The following ADGRE3 variants were observed in gnomAD, a reference collection of about 807,000 sequenced individuals.
ADGRE3 encodes the protein adhesion G protein-coupled receptor E3, also known as EGF-like module receptor 3.
Under a neutral mutation model 80.1 loss-of-function variants are expected in ADGRE3, and 88 were observed. That is an observed-to-expected ratio of 1.10 (90% confidence interval 0.93 to 1.31). The LOEUF is 1.31. Ranked by LOEUF, ADGRE3 falls within the 40% of genes most tolerant of loss-of-function variation. ADGRE3 has a pLI of 0.00. For missense variants in ADGRE3, 715 were observed against 776.5 expected (o/e 0.92, Z 0.94); for synonymous variants, 281 against 294.8 (o/e 0.95, Z 0.48).
At chr19:14,663,370 A>G (rs1972004948) in intron 3 of ADGRE3, 48 bp downstream of exon 3, 14 of 1,194,464 alleles carry the variant, frequency 1.2e-5, no homozygotes, top group African/African-American at 1.6e-5. Flanking sequence ...GTCTCTAATA[A>G]TAATGATAAT....
At position 14,663,445 on chromosome 19, in the gene ADGRE3, A is replaced by G. The variant is rs779747964; in HGVS notation, c.172T>C (p.Phe58Leu). ...TTACATGTCTCCAAGGGGAATGTGA[A>G]TAGTTTCTGCCCAGATCCAGAAGTA... The part of the protein sequence containing the change: ...GYTSGSGQKL[F>L]TFPLETCNDI... Residue 58 changes from phenylalanine to leucine, a missense_variant, in exon 3 of 16, where the codon TTC (phenylalanine) becomes CTC (leucine). Physicochemically the swap from Phe to Leu is conservative, Grantham distance 22 (BLOSUM62 0). Coordinates refer to ENST00000253673, the MANE Select transcript of ADGRE3 (RefSeq NM_032571.5). 3 of 1,610,222 alleles carry G rather than the reference A, an allele frequency of 1.9e-6. No homozygotes were observed. The highest frequency in any genetic ancestry group is 1.3e-5 in the African/African-American group (1 of 74,856).
rs149246773 is a variant in ADGRE3 at position 14,674,294 on chromosome 19, C to T, written c.25+452G>A. ...GGTGGATCACCTGAGGTCAGGAGTT[C>T]GAGACCAGCCAGGGCAACATGGTGA... is the stretch of plus-strand genomic sequence containing the variant. On this transcript the variant is annotated intron_variant, in intron 1 of 15. Coordinates refer to ENST00000253673, the MANE Select transcript of ADGRE3 (RefSeq NM_032571.5). Among the ~76,000 whole-genome samples, 33 of 151,928 alleles carry T rather than the reference C, an allele frequency of 2.2e-4. No homozygotes were observed. In the East Asian group the frequency reaches 5.6e-3, roughly 26 times the overall value.
At chr19:14,669,478 A>G (rs775430819) in intron 1 of ADGRE3, among the ~76,000 whole-genome samples, 2 of 151,992 alleles carry the variant, frequency 1.3e-5, no homozygotes, top group Non-Finnish European at 2.9e-5. Context: ...TCGCTTTGAT[A>G]TAATGATTAT....
At chr19:14,617,341 C>CCTTTCTTTTTCTTTCTTTCTTT (rs2075083332), downstream of ADGRE3, among the ~76,000 whole-genome samples, 10 of 57,264 alleles carry the variant, frequency 1.7e-4, 1 homozygote, top group Middle Eastern at 0.017. Flanking sequence ...TCCCTCCCTC[C>CCTTTCTTTTTCTTTCTTTCTTT]CTTTCTTTCT....
downstream of ADGRE3, among the ~76,000 whole-genome samples, chr19:14,617,350 C>CTTTCTTTCTTTCTTTTTCTT (rs2075084644): frequency 1.2e-5 from 1 of 82,626 alleles, no homozygotes; most frequent in Non-Finnish European, 2.3e-5. Context: ...CCCTTTCTTT[C>CTTTCTTTCTTTCTTTTTCTT]TTTCTTTCTT....
intron 13 of ADGRE3, 71 bp downstream of exon 13, chr19:14,632,850 C>G (rs538668516): frequency 9.2e-6 from 9 of 975,598 alleles, no homozygotes; most frequent in Non-Finnish European, 1.3e-5. Flanking sequence ...GTTGAATGTA[C>G]GTGTGTATGG....
intron 15 of ADGRE3, among the ~76,000 whole-genome samples, chr19:14,620,449 T>TATATATGA (rs920575143): frequency 1.5e-5 from 2 of 132,032 alleles, no homozygotes; most frequent in Non-Finnish European, 1.6e-5. Flanking sequence ...TATATTCATG[T>TATATATGA]ATATATGAAT....
chr19:14,620,535 T>TAATATATATATATAA (rs1491197917), intron 15 of ADGRE3, among the ~76,000 whole-genome samples: 9 of 16,856 alleles, frequency 5.3e-4, no homozygotes, highest in Admixed American at 9.3e-4. Flanking sequence ...AATATATATA[T>TAATATATATATATAA]TTTATATATA....
At position 14,638,192 on chromosome 19, in the gene ADGRE3, A is replaced by G. The variant is rs1217459546; in HGVS notation, c.1397T>C (p.Ile466Thr). ...YSSINRLMKW[I>T]MFPVGYGVPA... is the part of the protein sequence containing the mutation. ...AACGCCATAGCCGACTGGGAACATGATCCACTTCATGAGTCTATTGATGCT... is the reference window on the plus strand; with the variant it reads ...AACGCCATAGCCGACTGGGAACATGGTCCACTTCATGAGTCTATTGATGCT... The change falls in exon 11 of 16, where the codon ATC becomes ACC. Residue 466 changes from isoleucine (I) to threonine (T), a missense_variant. Coordinates refer to ENST00000253673, the MANE Select transcript of ADGRE3 (RefSeq NM_032571.5). 1 of 1,614,040 alleles carries G rather than the reference A, an allele frequency of 6.2e-7. No individual in the cohort carries two copies. Among genetic ancestry groups the G allele is most frequent in the Non-Finnish European group, 8.5e-7 (1 of 1,180,002 alleles).
At position 14,665,936 on chromosome 19, in the gene ADGRE3, GTATATA is replaced by G. The variant is rs71309616; in HGVS notation, c.77-2402_77-2397del. Among the ~76,000 whole-genome samples, 123 of 42,106 alleles carry G rather than the reference GTATATA, an allele frequency of 2.9e-3. 15 individuals are homozygous for G. Among genetic ancestry groups the G allele is most frequent in the Admixed American group, 8.7e-3 (27 of 3,092 alleles). The allele number at this position is 42,106 out of a possible 152,430, so 27.6% of individuals were successfully genotyped here. A position where few individuals can be genotyped will look rare whatever the true frequency, so the allele number is the denominator to read the frequency against. On this transcript the variant is annotated intron_variant, in intron 2 of 15. Transcript: ENST00000253673. ...ATATATTGCATATACACACATATGT[GTATATA>G]TATATATATATATATATATATATAT...
chr19:14,627,934 G>T (rs1970777817), intron 14 of ADGRE3, among the ~76,000 whole-genome samples: 1 of 151,806 alleles, frequency 6.6e-6, no homozygotes, highest in Non-Finnish European at 1.5e-5. Context: ...TTCGAGACCA[G>T]CCTGACCAAC....
intron 2 of ADGRE3, among the ~76,000 whole-genome samples, chr19:14,666,215 A>G (rs1972102909): frequency 6.6e-6 from 1 of 151,518 alleles, no homozygotes; most frequent in Admixed American, 6.6e-5. Flanking sequence ...TTTAATTCCC[A>G]CCAATAGTGT....
At chr19:14,633,183 C>T in intron 12 of ADGRE3, 53 bp downstream of exon 12, 1 of 1,514,276 alleles carries the variant, frequency 6.6e-7, no homozygotes, top group Admixed American at 1.7e-5. Flanking sequence ...ATCTTGTACC[C>T]AGCACTTCTC....
downstream of ADGRE3, among the ~76,000 whole-genome samples, chr19:14,618,792 G>T (rs2075098339): frequency 7.4e-6 from 1 of 134,268 alleles, no homozygotes; most frequent in African/African-American, 2.8e-5. Flanking sequence ...GGAGGCAGAG[G>T]TTGCACTCAC....
At chr19:14,671,959 G>A (rs1164384223) in intron 1 of ADGRE3, among the ~76,000 whole-genome samples, 1 of 152,024 alleles carries the variant, frequency 6.6e-6, no homozygotes, top group African/African-American at 2.4e-5. Flanking sequence ...TGTGTTGACC[G>A]AGCTGGTCTT....
chr19:14,652,583 C>T (rs1020067513), intron 6 of ADGRE3, among the ~76,000 whole-genome samples: 10 of 151,648 alleles, frequency 6.6e-5, no homozygotes, highest in African/African-American at 2.4e-4. Context: ...AGTTCAAGAC[C>T]AGCCTGGCCA....
intron 14 of ADGRE3, among the ~76,000 whole-genome samples, chr19:14,627,527 G>T (rs1161758430): frequency 6.6e-6 from 1 of 152,054 alleles, no homozygotes; most frequent in Non-Finnish European, 1.5e-5. Context: ...ACAGGCAGGT[G>T]CCACCACTCT....
At chr19:14,665,936 G>GTGTATATA (rs1555763977) in intron 2 of ADGRE3, among the ~76,000 whole-genome samples, 1 of 42,104 alleles carries the variant, frequency 2.4e-5, no homozygotes, top group Non-Finnish European at 4.0e-5. Flanking sequence ...ACACATATGT[G>GTGTATATA]TATATATATA....
At chr19:14,635,357 G>A (rs1162026744) in intron 11 of ADGRE3, among the ~76,000 whole-genome samples, 8 of 150,246 alleles carry the variant, frequency 5.3e-5, no homozygotes, top group Non-Finnish European at 1.0e-4. Flanking sequence ...CTTCCTCCTT[G>A]CCTTCCCAAA....
Sources: allele counts gnomAD v4.1 joint callset (sites outside exome capture counted in the v4.1 genomes callset), GRCh38; gene constraint gnomAD v4.1.1; transcripts MANE v1.5; gene names NCBI Gene and HGNC (gene_info 2026-07-23, HGNC 2026-07-21).